The following BRINP3 variants were observed in gnomAD, a reference collection of about 807,000 sequenced individuals.
BRINP3 encodes the protein BMP/retinoic acid inducible neural specific 3, also known as BMP/retinoic acid-inducible neural-specific protein 3.
A neutral mutation model predicts 71.0 loss-of-function variants in BRINP3; 19 were observed. The ratio of observed to expected loss-of-function variants is 0.27; its 90% CI spans 0.19 to 0.39. The LOEUF (loss-of-function observed/expected upper bound fraction) is 0.39. Ranked by LOEUF, BRINP3 falls within the 10% of genes least tolerant of loss-of-function variation. The probability of loss-of-function intolerance (pLI) is 1.00; values close to 1 mark genes in which losing one functional copy is unlikely to be tolerated. For missense variants in BRINP3, 959 were observed against 940.8 expected (o/e 1.02, Z -0.25); for synonymous variants, 380 against 337.7 (o/e 1.13, Z -1.37).
rs748536139 is a variant in BRINP3, at chr1:190,265,100, C to CT, written c.428-46dup. The CT allele has an allele frequency of 3.3e-4, 504 of 1,510,610 alleles. 1 individual carries two copies. The highest frequency in any genetic ancestry group is 3.3e-3 in the Middle Eastern group (19 of 5,762). The allele number at this position is 1,510,610 out of a possible 1,614,324, so 93.6% of individuals were successfully genotyped here. On this transcript the variant is annotated intron_variant, in intron 3 of 7. Transcript: ENST00000367462. The stretch of plus-strand genomic sequence containing the variant: ...AATTATTCAATTTTCCACTTAAAAT[C>CT]TTTTTTTTTAACTTATCTGCAGGTG...
intron 2 of BRINP3, among the ~76,000 whole-genome samples, chr1:190,296,932 A>G (rs1322991261): frequency 1.3e-5 from 2 of 152,080 alleles, no homozygotes; most frequent in African/African-American, 4.8e-5. Flanking sequence ...AAATTATCCA[A>G]TGTTTATGGA....
At chr1:190,420,285 G>A (rs1673287895) in intron 2 of BRINP3, among the ~76,000 whole-genome samples, 1 of 151,918 alleles carries the variant, frequency 6.6e-6, no homozygotes, top group African/African-American at 2.4e-5. Flanking sequence ...ATCCCTGAAT[G>A]TACACCTTTA....
chr1:190,257,655 G>C (rs985864205), intron 4 of BRINP3, among the ~76,000 whole-genome samples: 1 of 152,082 alleles, frequency 6.6e-6, no homozygotes, highest in African/African-American at 2.4e-5. Flanking sequence ...CTACAGATGG[G>C]GTTTTGGTGT....
At chr1:190,157,411 C>T (rs1443693427) in intron 7 of BRINP3, among the ~76,000 whole-genome samples, 3 of 151,884 alleles carry the variant, frequency 2.0e-5, no homozygotes, top group East Asian at 1.9e-4. Flanking sequence ...CAATGATTGC[C>T]GTTCCTTGAG....
At chr1:190,200,740 G>A (rs529719388) in intron 6 of BRINP3, among the ~76,000 whole-genome samples, 60 of 152,160 alleles carry the variant, frequency 3.9e-4, no homozygotes, top group African/African-American at 1.3e-3. Flanking sequence ...GCTGTTCCCA[G>A]GATAGTGGAT....
At chr1:190,121,364 A>T (rs755225290) in intron 7 of BRINP3, among the ~76,000 whole-genome samples, 15 of 152,204 alleles carry the variant, frequency 9.9e-5, no homozygotes, top group Non-Finnish European at 2.1e-4. Context: ...ATAGAACTAA[A>T]AGCACAAACC....
At chr1:190,294,742 T>G (rs999277903) in intron 2 of BRINP3, among the ~76,000 whole-genome samples, 1 of 152,090 alleles carries the variant, frequency 6.6e-6, no homozygotes, top group East Asian at 1.9e-4. Flanking sequence ...TGTTTGTACC[T>G]GTCCTTCTTC....
chr1:190,312,525 G>A (rs1558171781), intron 2 of BRINP3, among the ~76,000 whole-genome samples: 2 of 151,630 alleles, frequency 1.3e-5, no homozygotes, highest in African/African-American at 2.4e-5. Flanking sequence ...TGTGGATCCA[G>A]TTATATTACA....
At chr1:190,283,785 A>G (rs1325405708) in intron 2 of BRINP3, among the ~76,000 whole-genome samples, 2 of 151,610 alleles carry the variant, frequency 1.3e-5, no homozygotes, top group Non-Finnish European at 3.0e-5. Flanking sequence ...TTATTTTTAT[A>G]CCATGATCAA....
intron 2 of BRINP3, among the ~76,000 whole-genome samples, chr1:190,299,457 A>T (rs1664505385): frequency 6.6e-6 from 1 of 151,230 alleles, no homozygotes; most frequent in Non-Finnish European, 1.5e-5. Context: ...TTATACTTTA[A>T]GTTTTAGGGT....
intron 6 of BRINP3, among the ~76,000 whole-genome samples, chr1:190,200,833 T>C (rs1433259979): frequency 6.6e-6 from 1 of 152,078 alleles, no homozygotes; most frequent in Non-Finnish European, 1.5e-5. Context: ...CCACATAAGA[T>C]GTGACTTGTT....
At chr1:190,328,103 A>T (rs1666730522) in intron 2 of BRINP3, among the ~76,000 whole-genome samples, 1 of 152,162 alleles carries the variant, frequency 6.6e-6, no homozygotes, top group African/African-American at 2.4e-5. Flanking sequence ...TACATCAAAA[A>T]GTTAGAGAGA....
Position 190,409,672 on chromosome 1 carries a change from A to G in BRINP3, c.236+44983T>C, listed in dbSNP as rs80076686. ...TGGGAGAATAGAAACTGAGGATTAC[A>G]AAGAATGTCATTTGTGCAATACATA... On this transcript the variant is annotated intron_variant, in intron 2 of 7. Transcript: ENST00000367462. Among the ~76,000 whole-genome samples the G allele has an allele frequency of 5.5e-3, 842 of 152,310 alleles. 50 individuals are homozygous for G. The East Asian group carries it at 0.11, about 20-fold the overall frequency.
At chr1:190,141,339 A>G (rs1412241431) in intron 7 of BRINP3, among the ~76,000 whole-genome samples, 1 of 151,964 alleles carries the variant, frequency 6.6e-6, no homozygotes, top group African/African-American at 2.4e-5. Context: ...TTTTCCCAGT[A>G]GTAAAGATAA....
At chr1:190,342,835 TA>T (rs1164601755) in intron 2 of BRINP3, 5 of 151,856 alleles carry the variant, frequency 3.3e-5, no homozygotes, top group African/African-American at 1.2e-4. Context: ...TATAGATGTT[TA>T]AACATATGAA....
intron 2 of BRINP3, among the ~76,000 whole-genome samples, chr1:190,449,249 C>G (rs976423016): frequency 2.0e-5 from 3 of 151,602 alleles, no homozygotes; most frequent in Admixed American, 1.3e-4. Flanking sequence ...ATTATCACAC[C>G]CTCCAAACTC....
intron 3 of BRINP3, among the ~76,000 whole-genome samples, chr1:190,275,046 T>A (rs1056899417): frequency 2.0e-5 from 3 of 151,562 alleles, no homozygotes; most frequent in Non-Finnish European, 3.0e-5. Context: ...TTATGATTAT[T>A]AAGAGTTACC....
intron 1 of BRINP3, among the ~76,000 whole-genome samples, chr1:190,464,470 C>T (rs749044939): frequency 1.4e-4 from 22 of 151,872 alleles, no homozygotes; most frequent in East Asian, 3.9e-4. Context: ...GACCAGATTA[C>T]GAGAGATTTG....
At chr1:190,154,070 G>A in intron 7 of BRINP3, 1 of 962,534 alleles carries the variant, frequency 1.0e-6, no homozygotes, top group Non-Finnish European at 1.2e-6. Flanking sequence ...AGTTTTTTCA[G>A]TTATGATTTT....
Sources: gnomAD v4.1 joint callset for allele counts (sites outside exome capture counted in the v4.1 genomes callset) on GRCh38, gnomAD v4.1.1 for gene constraint, MANE v1.5 for transcripts, NCBI Gene and HGNC (gene_info 2026-07-23, HGNC 2026-07-21) for gene names.